Variants in NMNAT3 observed in about 807,000 individuals in gnomAD.
NMNAT3 encodes the protein nicotinamide nucleotide adenylyltransferase 3, also known as nicotinamide/nicotinic acid mononucleotide adenylyltransferase 3.
Under a neutral mutation model 24.8 loss-of-function variants are expected in NMNAT3, and 21 were observed. The observed-to-expected ratio is 0.85, with a 90% CI of 0.60 to 1.22. The LOEUF (loss-of-function observed/expected upper bound fraction) is 1.22. NMNAT3 is among the 50% of genes most tolerant of loss of function. NMNAT3 has a pLI of 0.00. For missense variants in NMNAT3, 387 were observed against 436.6 expected (o/e 0.89, Z 1.01); for synonymous variants, 136 against 155.2 (o/e 0.88, Z 0.92).
At chr3:139,643,624 C>G (rs750333239) in intron 1 of NMNAT3, among the ~76,000 whole-genome samples, 10 of 152,140 alleles carry the variant, frequency 6.6e-5, no homozygotes, top group East Asian at 1.9e-4. Flanking sequence ...TAAAAATAAG[C>G]CAGTCACAAA....
chr3:139,657,425 C>T (rs2057282222), intron 1 of NMNAT3, among the ~76,000 whole-genome samples: 2 of 152,242 alleles, frequency 1.3e-5, no homozygotes, highest in Non-Finnish European at 2.9e-5. Context: ...GCGCAGGTGT[C>T]AGAAATTACT....
intron 3 of NMNAT3, among the ~76,000 whole-genome samples, chr3:139,613,833 T>G (rs2055348206): frequency 6.6e-6 from 1 of 152,070 alleles, no homozygotes; most frequent in African/African-American, 2.4e-5. Flanking sequence ...ATGTCCTTTG[T>G]AGGGACATGG....
In NMNAT3 at chr3:139,600,470, A is replaced by AT. The variant is rs113864315; in HGVS notation, c.110-17263dup. Among the ~76,000 whole-genome samples the AT allele has an allele frequency of 3.2e-3, 486 of 151,482 alleles. 3 individuals are homozygous for AT. Among genetic ancestry groups the AT allele is most frequent in the African/African-American group, 0.011 (468 of 41,310 alleles). On this transcript the variant is annotated intron_variant, in intron 3 of 6. Transcript: ENST00000643695. ...ACAGGCACCCACCACCACGCTGGCT[A>AT]TTTTTTTTGTATTTCTCAGGAGAGA...
In NMNAT3 at chr3:139,638,944, C is replaced by T. The variant is rs376156592; in HGVS notation, c.-140-882G>A. 1.5e-3 allele frequency among the ~76,000 whole-genome samples: 234 copies of T among 152,336 alleles called. 5 individuals are homozygous for T. In the South Asian group the frequency reaches 0.03, roughly 19 times the overall value. The stretch of plus-strand genomic sequence containing the variant: ...TCCCTATGGCTGCTCTGTCAAACTG[C>T]CTTTCATCCTGTCCTGAGTGCTCAC... On this transcript the variant is annotated intron_variant, in intron 1 of 6. Coordinates refer to ENST00000643695, the MANE Select transcript of NMNAT3 (RefSeq NM_001320510.2).
chr3:139,673,889 G>A (rs1262431436), intron 1 of NMNAT3, among the ~76,000 whole-genome samples: 1 of 152,000 alleles, frequency 6.6e-6, no homozygotes, highest in African/African-American at 2.4e-5. Flanking sequence ...AAGCAGAGGA[G>A]GTAATTCAGC....
intron 1 of NMNAT3, among the ~76,000 whole-genome samples, chr3:139,646,116 A>C (rs2056862785): frequency 6.6e-6 from 1 of 152,206 alleles, no homozygotes; most frequent in African/African-American, 2.4e-5. Context: ...ACAGAGCTGC[A>C]ACTTTTCATT....
intron 3 of NMNAT3, among the ~76,000 whole-genome samples, chr3:139,615,278 T>G (rs1186627484): frequency 1.3e-5 from 2 of 152,230 alleles, no homozygotes. Flanking sequence ...GCTCTTTTAG[T>G]ATAAAATGGT....
chr3:139,667,673 T>C (rs1222447730), intron 1 of NMNAT3, among the ~76,000 whole-genome samples: 1 of 152,186 alleles, frequency 6.6e-6, no homozygotes, highest in Non-Finnish European at 1.5e-5. Context: ...CCCAGAATTG[T>C]GAGAGACAAT....
intron 3 of NMNAT3, among the ~76,000 whole-genome samples, chr3:139,614,569 A>G (rs1421420124): frequency 6.6e-6 from 1 of 152,256 alleles, no homozygotes; most frequent in East Asian, 1.9e-4. Flanking sequence ...ATTATTTTGC[A>G]GAATGTCCCT....
intron 3 of NMNAT3, among the ~76,000 whole-genome samples, chr3:139,609,099 T>C (rs560496053): frequency 4.6e-4 from 70 of 152,344 alleles, no homozygotes; most frequent in African/African-American, 1.6e-3. Context: ...GGGAGTAGTC[T>C]ATGGTATGGA....
chr3:139,629,485 C>A (rs1225948770), intron 2 of NMNAT3, among the ~76,000 whole-genome samples: 1 of 152,136 alleles, frequency 6.6e-6, no homozygotes, highest in African/African-American at 2.4e-5. Flanking sequence ...TCTTAAGCTG[C>A]TACATTTTGA....
chr3:139,577,573 A>G (rs531317080), intron 5 of NMNAT3, among the ~76,000 whole-genome samples: 11 of 152,364 alleles, frequency 7.2e-5, no homozygotes. Context: ...TACTTGTTGG[A>G]TGATCTATTC....
intron 1 of NMNAT3, among the ~76,000 whole-genome samples, chr3:139,639,256 G>A (rs527726771): frequency 6.6e-6 from 1 of 152,332 alleles, no homozygotes; most frequent in East Asian, 1.9e-4. Context: ...TGTAAAACGT[G>A]TGTGGAATAA....
rs115770355 is a variant in NMNAT3 at position 139,574,246 on chromosome 3, C to G, written c.576-566G>C. On this transcript the variant is annotated intron_variant, in intron 5 of 6. Transcript: ENST00000643695. ...AGAGCCAGGGCTTGCAGCCAGATGG[C>G]CTGGGTTGAATCTCAGCTCCTCCAC... Among the ~76,000 whole-genome samples the G allele has an allele frequency of 9.5e-4, 145 of 152,344 alleles. 2 individuals carry two copies. The highest frequency in any genetic ancestry group is 3.3e-3 in the African/African-American group (138 of 41,588).
At chr3:139,624,762 T>C (rs954573369) in intron 3 of NMNAT3, among the ~76,000 whole-genome samples, 2 of 152,202 alleles carry the variant, frequency 1.3e-5, no homozygotes, top group Non-Finnish European at 2.9e-5. Flanking sequence ...ACTTCTTTTA[T>C]GGTTCAGAAT....
intron 2 of NMNAT3, among the ~76,000 whole-genome samples, chr3:139,633,410 C>A (rs1264513656): frequency 6.6e-6 from 1 of 152,088 alleles, no homozygotes; most frequent in Non-Finnish European, 1.5e-5. Context: ...AAACTCCCAA[C>A]CTCAGGTGAT....
At chr3:139,578,380 C>T (rs1176468490) in intron 5 of NMNAT3, among the ~76,000 whole-genome samples, 1 of 152,038 alleles carries the variant, frequency 6.6e-6, no homozygotes, top group Non-Finnish European at 1.5e-5. Flanking sequence ...TTAAAAAAGA[C>T]AGCTTATTCT....
chr3:139,643,247 C>T (rs1349232625), intron 1 of NMNAT3, among the ~76,000 whole-genome samples: 1 of 152,090 alleles, frequency 6.6e-6, no homozygotes, highest in Non-Finnish European at 1.5e-5. Context: ...AATGGGAACC[C>T]CCGTGCATTG....
chr3:139,567,855 T>A (rs906882882), intron 6 of NMNAT3: 1 of 152,226 alleles, frequency 6.6e-6, no homozygotes, highest in African/African-American at 2.4e-5. Flanking sequence ...GCTGGCCTCA[T>A]AAAATGAGTT....
Sources: gnomAD v4.1 joint callset for allele counts (sites outside exome capture counted in the v4.1 genomes callset) on GRCh38, gnomAD v4.1.1 for gene constraint, MANE v1.5 for transcripts, NCBI Gene and HGNC (gene_info 2026-07-23, HGNC 2026-07-21) for gene names.